DKK2: variants seen among roughly 807,000 people sequenced by gnomAD.
The protein encoded by DKK2 is dickkopf-related protein 2.
Under a neutral mutation model 28.1 loss-of-function variants are expected in DKK2, and 11 were observed. The ratio of observed to expected loss-of-function variants is 0.39; its 90% CI spans 0.25 to 0.65. DKK2 has a LOEUF of 0.65. DKK2 is among the 30% of genes least tolerant of loss of function. The pLI is 0.47. For synonymous variants in DKK2, 135 were observed against 126.5 expected (o/e 1.07, Z -0.45); for missense variants, 326 against 335.5 (o/e 0.97, Z 0.22).
chr4:106,982,404 C>T (rs1486290153), intron 1 of DKK2, among the ~76,000 whole-genome samples: 1 of 152,164 alleles, frequency 6.6e-6, no homozygotes, highest in Non-Finnish European at 1.5e-5. Context: ...TCCCTAGTTT[C>T]CATTGCTCCT....
intron 1 of DKK2, among the ~76,000 whole-genome samples, chr4:107,007,441 T>C (rs1723452640): frequency 6.6e-6 from 1 of 152,162 alleles, no homozygotes; most frequent in Non-Finnish European, 1.5e-5. Flanking sequence ...GTGACTCCGT[T>C]TATCCATAGA....
chr4:106,961,172 A>G (rs1560580697), intron 1 of DKK2, among the ~76,000 whole-genome samples: 1 of 152,094 alleles, frequency 6.6e-6, no homozygotes, highest in Non-Finnish European at 1.5e-5. Flanking sequence ...TTTTGGCTTG[A>G]CAATATTTGT....
chr4:106,965,908 C>T (rs917143541), intron 1 of DKK2, among the ~76,000 whole-genome samples: 6 of 150,662 alleles, frequency 4.0e-5, no homozygotes, highest in Non-Finnish European at 7.4e-5. Context: ...ATCCATGTCC[C>T]TACAAAGGAC....
intron 1 of DKK2, among the ~76,000 whole-genome samples, chr4:107,006,494 G>T (rs996523144): frequency 6.6e-6 from 1 of 152,168 alleles, no homozygotes; most frequent in Non-Finnish European, 1.5e-5. Context: ...TAGTAACCAA[G>T]AAGGTTTGTT....
chr4:106,930,879 T>C (rs1181683144), intron 1 of DKK2, among the ~76,000 whole-genome samples: 1 of 152,130 alleles, frequency 6.6e-6, no homozygotes, highest in East Asian at 1.9e-4. Context: ...CAGCAGAAGA[T>C]TGGCAATTAC....
intron 1 of DKK2, among the ~76,000 whole-genome samples, chr4:106,949,236 T>C (rs1724823875): frequency 6.6e-6 from 1 of 152,304 alleles, no homozygotes; most frequent in African/African-American, 2.4e-5. Flanking sequence ...TAATCTTCTT[T>C]CTTCCTTTGA....
intron 1 of DKK2, among the ~76,000 whole-genome samples, chr4:106,973,816 A>G (rs1578363556): frequency 1.3e-5 from 2 of 152,232 alleles, no homozygotes; most frequent in East Asian, 3.9e-4. Flanking sequence ...GCCCTTGCCT[A>G]TGTCCTGAAT....
At chr4:106,996,961 T>C (rs1466217243) in intron 1 of DKK2, among the ~76,000 whole-genome samples, 1 of 151,862 alleles carries the variant, frequency 6.6e-6, no homozygotes. Flanking sequence ...CCCCCGAACC[T>C]AAAAGTAGAA....
intron 1 of DKK2, among the ~76,000 whole-genome samples, chr4:107,034,311 A>G (rs766767091): frequency 2.4e-4 from 37 of 152,008 alleles, no homozygotes; most frequent in Admixed American, 5.2e-4. Flanking sequence ...CCAGGGGTTG[A>G]CACTTGTGTT....
At chr4:107,033,736 GA>G (rs1024910156) in intron 1 of DKK2, among the ~76,000 whole-genome samples, 1 of 152,088 alleles carries the variant, frequency 6.6e-6, no homozygotes, top group African/African-American at 2.4e-5. Flanking sequence ...CATGAAATTT[GA>G]AGTCAGTAGC....
At chr4:106,955,686 A>G (rs1015859461) in intron 1 of DKK2, among the ~76,000 whole-genome samples, 3 of 152,230 alleles carry the variant, frequency 2.0e-5, no homozygotes, top group Admixed American at 1.3e-4. Context: ...AAATCTAGAT[A>G]TACCAACTGG....
intron 1 of DKK2, among the ~76,000 whole-genome samples, chr4:106,926,938 A>G (rs1724433350): frequency 6.6e-6 from 1 of 152,160 alleles, no homozygotes; most frequent in Admixed American, 6.5e-5. Flanking sequence ...AAGTTGAGAA[A>G]CTAAAATGTC....
chr4:106,983,685 G>T (rs921093225), intron 1 of DKK2, among the ~76,000 whole-genome samples: 1 of 152,140 alleles, frequency 6.6e-6, no homozygotes, highest in Non-Finnish European at 1.5e-5. Context: ...GGCAGACTAG[G>T]AGAAAATGTT....
At chr4:106,946,005 C>T (rs1352232088) in intron 1 of DKK2, among the ~76,000 whole-genome samples, 3 of 152,204 alleles carry the variant, frequency 2.0e-5, no homozygotes, top group South Asian at 2.1e-4. Context: ...GCACATATCT[C>T]CAGGAGACCC....
chr4:106,997,513 C>T (rs141307440), intron 1 of DKK2, among the ~76,000 whole-genome samples: 3,010 of 152,118 alleles, frequency 0.02, 50 homozygotes, highest in Non-Finnish European at 0.029. Flanking sequence ...AGAGCATCAA[C>T]AAAACTCTAT....
At chr4:106,960,231 C>G (rs1211678157) in intron 1 of DKK2, among the ~76,000 whole-genome samples, 3 of 150,896 alleles carry the variant, frequency 2.0e-5, no homozygotes, top group African/African-American at 7.3e-5. Context: ...ATATGGAATA[C>G]TACTCAGCCA....
At chr4:106,955,689 C>G (rs754160053) in intron 1 of DKK2, among the ~76,000 whole-genome samples, 5 of 152,018 alleles carry the variant, frequency 3.3e-5, no homozygotes, top group Non-Finnish European at 7.4e-5. Flanking sequence ...TCTAGATATA[C>G]CAACTGGTTT....
intron 1 of DKK2, among the ~76,000 whole-genome samples, chr4:107,009,355 T>G (rs1723483335): frequency 6.6e-6 from 1 of 151,964 alleles, no homozygotes; most frequent in Admixed American, 6.6e-5. Flanking sequence ...AAGAAGGACC[T>G]TAGCTAATCT....
chr4:106,926,089 T>A, intron 1 of DKK2, 140 bp from the exon 2 acceptor site: 2 of 919,950 alleles, frequency 2.2e-6, no homozygotes, highest in Non-Finnish European at 3.1e-6. Context: ...CATAATGTTC[T>A]GAACCTAGAG....
Sources: gnomAD v4.1 joint callset for allele counts (sites outside exome capture counted in the v4.1 genomes callset) on GRCh38, gnomAD v4.1.1 for gene constraint, MANE v1.5 for transcripts, NCBI Gene and HGNC (gene_info 2026-07-23, HGNC 2026-07-21) for gene names.